Variants in PKHD1L1 observed in about 807,000 individuals in gnomAD.
The protein encoded by PKHD1L1 is PKHD1 like 1.
A neutral mutation model predicts 462.9 loss-of-function variants in PKHD1L1; 434 were observed. The observed-to-expected ratio is 0.94, with a 90% CI of 0.87 to 1.02. The LOEUF (loss-of-function observed/expected upper bound fraction) is 1.02. PKHD1L1 is among the 50% of genes least tolerant of loss of function. The pLI, the probability that PKHD1L1 is intolerant of heterozygous loss-of-function variation, is 0.00. For synonymous variants in PKHD1L1, 1,781 were observed against 1,750.0 expected, an observed-to-expected ratio of 1.02 and a Z score of -0.44; for missense variants, 5,202 against 5,096.1, an observed-to-expected ratio of 1.02 and a Z score of -0.63.
chr8:109,394,109 G>A lies in PKHD1L1; in HGVS notation c.741-306G>A, dbSNP rs564229811. Among the ~76,000 whole-genome samples the A allele has an allele frequency of 9.0e-5, 13 of 143,776 alleles. No individual in the cohort carries two copies. In the East Asian group the frequency reaches 1.2e-3, roughly 14 times the overall value. The allele number at this position is 143,776 out of a possible 152,430, so 94.3% of individuals were successfully genotyped here. On this transcript the variant is annotated intron_variant, in intron 9 of 77. Coordinates refer to ENST00000378402, the MANE Select transcript of PKHD1L1 (RefSeq NM_177531.6). ...GAATCCCTCGAACCCGGGAGGCAAAGGTTGCAGTGAGCCAGGATTGCACCA... is the reference window on the plus strand; with the variant it reads ...GAATCCCTCGAACCCGGGAGGCAAAAGTTGCAGTGAGCCAGGATTGCACCA...
intron 42 of PKHD1L1, 50 bp downstream of exon 42, chr8:109,452,330 A>T (rs1393680408): frequency 7.0e-7 from 1 of 1,427,766 alleles, no homozygotes; most frequent in Non-Finnish European, 9.3e-7. Context: ...AACCAGCATT[A>T]TGGGAGGTGG....
Position 109,518,359 on chromosome 8 carries a change from A to C in PKHD1L1, c.11882A>C (p.Asn3961Thr). 6.2e-7 allele frequency: 1 copy of C among 1,613,478 alleles called. No homozygotes were observed. The highest frequency in any genetic ancestry group is 1.7e-5 in the Admixed American group (1 of 59,946). ...DFYTSHNLVK[N>T]LALFLKIPSD... ...TATACCTCTCACAATCTGGTTAAAA[A>C]TCTTGCCTTGTTCCTAAAGATACCA... is the stretch of plus-strand genomic sequence containing the variant. Residue 3961 changes from asparagine (N) to threonine (T), a missense_variant, in exon 73 of 78, where the codon AAT (asparagine) becomes ACT (threonine). Around this residue, in one of 3 missense-constraint regions of PKHD1L1, gnomAD observed 698 missense variants for 736.3 expected, o/e 0.95. Coordinates refer to ENST00000378402, the MANE Select transcript of PKHD1L1 (RefSeq NM_177531.6).
intron 32 of PKHD1L1, 45 bp downstream of exon 32, chr8:109,439,137 G>A: frequency 6.5e-7 from 1 of 1,531,674 alleles, no homozygotes; most frequent in Non-Finnish European, 8.9e-7. Context: ...GAACACATGG[G>A]GCTAGTGGAA....
intron 28 of PKHD1L1, 135 bp from the exon 29 acceptor site, chr8:109,435,055 A>G: frequency 1.2e-6 from 1 of 834,992 alleles, no homozygotes; most frequent in Non-Finnish European, 1.8e-6. Context: ...ACACATTAAT[A>G]TATGATTGGT....
At chr8:109,500,869 A>G (rs992253227) in intron 67 of PKHD1L1, among the ~76,000 whole-genome samples, 1 of 151,974 alleles carries the variant, frequency 6.6e-6, no homozygotes, top group Non-Finnish European at 1.5e-5. Context: ...CAGGTGGTAA[A>G]TGCCTTCTTT....
chr8:109,429,852 T>C, intron 26 of PKHD1L1, 80 bp from the exon 27 acceptor site: 2 of 903,066 alleles, frequency 2.2e-6, no homozygotes, highest in Non-Finnish European at 3.5e-6. Flanking sequence ...CAAAATTCCA[T>C]CACTTTTGTT....
At chr8:109,386,939 G>T (rs1293957725) in intron 6 of PKHD1L1, among the ~76,000 whole-genome samples, 2 of 152,112 alleles carry the variant, frequency 1.3e-5, no homozygotes, top group Non-Finnish European at 2.9e-5. Context: ...GACATTAGAG[G>T]TCGGGCTACC....
At chr8:109,526,499 A>T (rs991386602) in intron 76 of PKHD1L1, among the ~76,000 whole-genome samples, 2 of 152,166 alleles carry the variant, frequency 1.3e-5, no homozygotes, top group African/African-American at 4.8e-5. Context: ...GTTTTTGTCC[A>T]GTCCTGGGCA....
chr8:109,434,899 A>T (rs1815315757), intron 28 of PKHD1L1, among the ~76,000 whole-genome samples: 1 of 152,152 alleles, frequency 6.6e-6, no homozygotes, highest in Admixed American at 6.5e-5. Context: ...TTTTTAAAAA[A>T]ATTATGACAA....
At position 109,515,315 on chromosome 8, in the gene PKHD1L1, C is replaced by T; in HGVS notation, c.11689+10C>T. Reference sequence around the variant, plus strand: ...AACCATCTGTACAAAGGTATTGTCTCAGAAAAAATACAGTACACATGGAAA... The same window carrying T: ...AACCATCTGTACAAAGGTATTGTCTTAGAAAAAATACAGTACACATGGAAA... On this transcript the variant is annotated intron_variant, in intron 72 of 77. Coordinates refer to ENST00000378402, the MANE Select transcript of PKHD1L1 (RefSeq NM_177531.6). 1 of 1,531,818 alleles carries T rather than the reference C, an allele frequency of 6.5e-7. No homozygotes were observed. The highest frequency in any genetic ancestry group is 8.8e-7 in the Non-Finnish European group (1 of 1,136,800). The allele number at this position is 1,531,818 out of a possible 1,614,324, so 94.9% of individuals were successfully genotyped here.
At chr8:109,458,247 C>G (rs1816926129) in intron 46 of PKHD1L1, among the ~76,000 whole-genome samples, 1 of 151,902 alleles carries the variant, frequency 6.6e-6, no homozygotes, top group Non-Finnish European at 1.5e-5. Context: ...TTTGTATCAC[C>G]AAGTTCTTTT....
At chr8:109,518,749 A>T (rs887611997) in intron 73 of PKHD1L1, among the ~76,000 whole-genome samples, 37 of 152,168 alleles carry the variant, frequency 2.4e-4, no homozygotes, top group African/African-American at 7.5e-4. Flanking sequence ...TCAACAAAAG[A>T]ATTTGATCTA....
chr8:109,454,198 T>G lies in PKHD1L1; in HGVS notation c.6696T>G (p.Ile2232Met), dbSNP rs942295880. The change falls in exon 44 of 78, where the codon ATT (isoleucine) becomes ATG (methionine). Residue 2232 changes from isoleucine (I) to methionine (M), a missense_variant. Around this residue, in one of 3 missense-constraint regions of PKHD1L1, gnomAD observed 4,497 missense variants for 4,336.8 expected, o/e 1.04. Transcript: ENST00000378402. ...GGTLIFDEAD[I>M]ELQAENILIT... Reference sequence around the variant, plus strand: ...CTCTAATATTTGATGAAGCTGACATTGAACTCCAGGCAGAAAATATTCTAA... The same window carrying G: ...CTCTAATATTTGATGAAGCTGACATGGAACTCCAGGCAGAAAATATTCTAA... 5.6e-6 allele frequency: 9 copies of G among 1,608,660 alleles called. No homozygotes were observed. The highest frequency in any genetic ancestry group is 1.3e-5 in the African/African-American group (1 of 74,846).
intron 4 of PKHD1L1, among the ~76,000 whole-genome samples, chr8:109,383,125 G>T (rs559069370): frequency 1.2e-4 from 11 of 89,420 alleles, no homozygotes; most frequent in Admixed American, 3.7e-4. Flanking sequence ...ATAATATATA[G>T]TTATATATAT....
At chr8:109,473,464 C>T (rs996308242) in intron 50 of PKHD1L1, among the ~76,000 whole-genome samples, 13 of 150,328 alleles carry the variant, frequency 8.6e-5, no homozygotes, top group Non-Finnish European at 1.5e-4. Flanking sequence ...TGCAGTGAGC[C>T]GAGATCATAC....
chr8:109,439,872 C>T (rs1050875129), intron 32 of PKHD1L1, among the ~76,000 whole-genome samples: 3 of 152,008 alleles, frequency 2.0e-5, no homozygotes, highest in African/African-American at 7.2e-5. Context: ...CAAAATCTTG[C>T]AAGAAGTAAA....
At chr8:109,499,163 T>C (rs1158158882) in intron 67 of PKHD1L1, 2 of 168,588 alleles carry the variant, frequency 1.2e-5, no homozygotes, top group Admixed American at 5.7e-5. Flanking sequence ...TTGGCACAGC[T>C]AGGATTAGAA....
chr8:109,435,132 T>C (rs1374416130), intron 28 of PKHD1L1, 58 bp from the exon 29 acceptor site: 2 of 1,573,884 alleles, frequency 1.3e-6, no homozygotes, highest in East Asian at 2.2e-5. Context: ...AGCATAACTT[T>C]TATCTCATAA....
In PKHD1L1 at chr8:109,515,338, A is replaced by C. The variant is rs201069177; in HGVS notation, c.11689+33A>C. 6.5e-4 allele frequency: 901 copies of C among 1,388,036 alleles called. 2 individuals carry two copies. The highest frequency in any genetic ancestry group is 7.9e-4 in the Non-Finnish European group (825 of 1,038,090). 86.0% of individuals were successfully genotyped at this position (1,388,036 alleles called of 1,614,324 possible). ...CTCAGAAAAAATACAGTACACATGG[A>C]AAATGTACTTATTTATAATATTTTA... is the stretch of plus-strand genomic sequence containing the variant. On this transcript the variant is annotated intron_variant, in intron 72 of 77. Coordinates refer to ENST00000378402, the MANE Select transcript of PKHD1L1 (RefSeq NM_177531.6).
Sources: gnomAD v4.1 joint callset for allele counts (sites outside exome capture counted in the v4.1 genomes callset) on GRCh38, gnomAD v4.1.1 for gene constraint, gnomAD v4.1.1 regional missense constraint, MANE v1.5 for transcripts, NCBI Gene and HGNC (gene_info 2026-07-23, HGNC 2026-07-21) for gene names.